SUPT3H: variants seen among roughly 807,000 people sequenced by gnomAD.
SUPT3H encodes transcription initiation protein SPT3 homolog.
Under a neutral mutation model 44.3 loss-of-function variants are expected in SUPT3H, and 44 were observed. That is an observed-to-expected ratio of 0.99 (90% CI 0.78 to 1.28). The LOEUF is 1.28. SUPT3H is among the 50% of genes most tolerant of loss of function. The pLI is 0.00. For missense variants in SUPT3H, 380 were observed against 387.1 expected (o/e 0.98, Z 0.15); for synonymous variants, 124 against 125.6 (o/e 0.99, Z 0.09).
intron 6 of SUPT3H, among the ~76,000 whole-genome samples, chr6:44,989,377 T>G (rs1413230907): frequency 2.6e-5 from 4 of 152,188 alleles, no homozygotes; most frequent in African/African-American, 9.6e-5. Context: ...TTTCACAATT[T>G]CTTTATCCAT....
At chr6:45,120,144 C>A (rs1801406750) in intron 2 of SUPT3H, among the ~76,000 whole-genome samples, 1 of 151,854 alleles carries the variant, frequency 6.6e-6, no homozygotes, top group African/African-American at 2.4e-5. Context: ...CAAATCCCAT[C>A]AGTCTGACTG....
chr6:44,883,563 T>G (rs1459887697), intron 10 of SUPT3H, among the ~76,000 whole-genome samples: 1 of 152,208 alleles, frequency 6.6e-6, no homozygotes, highest in Non-Finnish European at 1.5e-5. Flanking sequence ...AGAGCTCATA[T>G]AGCTAAGACA....
intron 6 of SUPT3H, among the ~76,000 whole-genome samples, chr6:45,000,940 C>T (rs1488394975): frequency 6.6e-6 from 1 of 152,050 alleles, no homozygotes; most frequent in Non-Finnish European, 1.5e-5. Context: ...TAGGGGCTTA[C>T]AAGACTAGAT....
rs138612324 is a variant in SUPT3H, at chr6:45,076,182, C to T, written c.186+29740G>A. 2.6e-3 allele frequency among the ~76,000 whole-genome samples: 399 copies of T among 152,106 alleles called. 3 individuals carry two copies. The highest frequency in any genetic ancestry group is 8.6e-3 in the African/African-American group (358 of 41,504). ...ACCATACACACAGTGATGTCAATTG[C>T]GTTAAATGTTCCTGCCAAACAGGGA... On this transcript the variant is annotated intron_variant, in intron 3 of 10. Coordinates refer to ENST00000371459, the MANE Select transcript of SUPT3H (RefSeq NM_003599.4).
chr6:45,117,004 A>G (rs771223305), intron 2 of SUPT3H, among the ~76,000 whole-genome samples: 2 of 152,124 alleles, frequency 1.3e-5, no homozygotes, highest in African/African-American at 4.8e-5. Flanking sequence ...TGTAAATAGC[A>G]TATCTTTGAA....
chr6:44,846,095 G>A (rs1396112592), intron 10 of SUPT3H, among the ~76,000 whole-genome samples: 1 of 152,166 alleles, frequency 6.6e-6, no homozygotes, highest in Non-Finnish European at 1.5e-5. Context: ...TGCTCCCCTA[G>A]AGGTATGGGC....
At chr6:45,129,795 A>G (rs773114170) in intron 2 of SUPT3H, among the ~76,000 whole-genome samples, 18 of 152,110 alleles carry the variant, frequency 1.2e-4, no homozygotes, top group Non-Finnish European at 1.0e-4. Flanking sequence ...TCAATTGGAT[A>G]TTCTCTTTTG....
At position 44,943,731 on chromosome 6, in the gene SUPT3H, G is replaced by A. The variant is rs1419855770; in HGVS notation, c.801+9579C>T. ...AAAACAATAGAGAAAAAAGTGGAAT[G>A]ACATCATTAAAATACTGAAAAATAA... On this transcript the variant is annotated intron_variant, in intron 9 of 10. Transcript: ENST00000371459. Among the ~76,000 whole-genome samples, 5 of 152,168 alleles carry A rather than the reference G, an allele frequency of 3.3e-5. No individual in the cohort carries two copies. In the East Asian group the frequency reaches 5.8e-4, roughly 18 times the overall value.
At chr6:45,205,572 G>A (rs1481382648) in intron 2 of SUPT3H, among the ~76,000 whole-genome samples, 2 of 152,032 alleles carry the variant, frequency 1.3e-5, no homozygotes, top group East Asian at 1.9e-4. Flanking sequence ...CGAGGATGGC[G>A]GATCACTTGA....
At chr6:45,140,036 T>C (rs928480613) in intron 2 of SUPT3H, among the ~76,000 whole-genome samples, 10 of 152,066 alleles carry the variant, frequency 6.6e-5, no homozygotes, top group African/African-American at 2.2e-4. Context: ...CGGGGTACTA[T>C]GGGAACAAGA....
intron 2 of SUPT3H, among the ~76,000 whole-genome samples, chr6:45,338,941 A>G (rs935499550): frequency 4.6e-5 from 7 of 152,168 alleles, no homozygotes; most frequent in Non-Finnish European, 1.0e-4. Context: ...CTGAAGACAC[A>G]TAAGTATAAA....
At chr6:45,275,184 A>G (rs1171514536) in intron 2 of SUPT3H, among the ~76,000 whole-genome samples, 1 of 152,196 alleles carries the variant, frequency 6.6e-6, no homozygotes, top group Non-Finnish European at 1.5e-5. Flanking sequence ...CACAAAATAA[A>G]CTGGGAGATG....
intron 10 of SUPT3H, among the ~76,000 whole-genome samples, chr6:44,893,838 A>G (rs865666): frequency 0.92 from 119,569 of 129,680 alleles, 56,006 homozygotes; most frequent in East Asian, 1. Flanking sequence ...AGTCCCACCA[A>G]CAGTGTAAAA....
intron 4 of SUPT3H, among the ~76,000 whole-genome samples, chr6:45,018,183 T>C (rs1352460852): frequency 2.6e-5 from 4 of 152,138 alleles, no homozygotes; most frequent in Non-Finnish European, 5.9e-5. Context: ...TTGTGATTTT[T>C]GTACATTGAT....
intron 2 of SUPT3H, among the ~76,000 whole-genome samples, chr6:45,294,321 G>T (rs1422604662): frequency 6.6e-6 from 1 of 152,010 alleles, no homozygotes; most frequent in East Asian, 1.9e-4. Context: ...GCATACAAGG[G>T]ATATACCTCA....
intron 10 of SUPT3H, among the ~76,000 whole-genome samples, chr6:44,857,658 T>A (rs895747593): frequency 6.6e-6 from 1 of 152,222 alleles, no homozygotes; most frequent in Non-Finnish European, 1.5e-5. Flanking sequence ...TTTTTACTTT[T>A]TAGTCGATTT....
At chr6:44,880,823 A>G (rs1444509865) in intron 10 of SUPT3H, among the ~76,000 whole-genome samples, 3 of 151,968 alleles carry the variant, frequency 2.0e-5, no homozygotes, top group African/African-American at 7.2e-5. Flanking sequence ...ATATCCAGCC[A>G]AACTAAGCTT....
intron 6 of SUPT3H, among the ~76,000 whole-genome samples, chr6:45,001,676 T>G (rs909411835): frequency 1.3e-5 from 2 of 152,042 alleles, no homozygotes; most frequent in South Asian, 4.1e-4. Flanking sequence ...TCTATACCAT[T>G]TTCATACATG....
In SUPT3H at chr6:45,313,041, T is replaced by G. The variant is rs376720922; in HGVS notation, c.101+52160A>C. 3.2e-4 allele frequency among the ~76,000 whole-genome samples: 48 copies of G among 152,248 alleles called. No individual in the cohort carries two copies. In the East Asian group the frequency reaches 8.5e-3, roughly 27 times the overall value. On this transcript the variant is annotated intron_variant, in intron 2 of 10. Transcript: ENST00000371459. ...AAATAACCTGCTCTTGAATGAGCAC[T>G]GGATCAAAAATGAAATCAAAATGAA... is the stretch of plus-strand genomic sequence containing the variant.
Sources: allele counts gnomAD v4.1 joint callset (sites outside exome capture counted in the v4.1 genomes callset), GRCh38; gene constraint gnomAD v4.1.1; transcripts MANE v1.5; gene names NCBI Gene and HGNC (gene_info 2026-07-23, HGNC 2026-07-21).